The following KSR2 variants were observed in gnomAD, a reference collection of about 807,000 sequenced individuals.
The protein encoded by KSR2 is kinase suppressor of ras 2.
In KSR2, 25 loss-of-function variants were observed where a neutral mutation model predicts 107.8. The observed-to-expected ratio is 0.23, with a 90% CI of 0.17 to 0.32. KSR2 has a LOEUF of 0.32. Ranked by LOEUF, KSR2 falls within the 10% of genes least tolerant of loss-of-function variation. The pLI is 1.00. For synonymous variants in KSR2, 480 were observed against 507.0 expected, an observed-to-expected ratio of 0.95 and a Z score of 0.71; for missense variants, 887 against 1,268.9, an observed-to-expected ratio of 0.70 and a Z score of 4.57.
intron 1 of KSR2, among the ~76,000 whole-genome samples, chr12:117,910,222 C>A (rs1250259486): frequency 6.6e-6 from 1 of 152,050 alleles, no homozygotes; most frequent in African/African-American, 2.4e-5. Context: ...CAGAGTAAGA[C>A]CCTGTCTCAA....
At chr12:117,700,984 T>G (rs1414322000) in intron 4 of KSR2, among the ~76,000 whole-genome samples, 1 of 152,248 alleles carries the variant, frequency 6.6e-6, no homozygotes, top group East Asian at 1.9e-4. Context: ...CATTATCTCT[T>G]GCTAGATGAC....
At chr12:117,654,130 CATCA>C (rs1221373444) in intron 5 of KSR2, among the ~76,000 whole-genome samples, 1 of 152,310 alleles carries the variant, frequency 6.6e-6, no homozygotes, top group African/African-American at 2.4e-5. Flanking sequence ...GGCTATGGGT[CATCA>C]ATGTGACCTG....
At chr12:117,888,367 T>C (rs1894241507) in intron 1 of KSR2, among the ~76,000 whole-genome samples, 1 of 152,126 alleles carries the variant, frequency 6.6e-6, no homozygotes, top group African/African-American at 2.4e-5. Context: ...TCCACCTACA[T>C]GAGGTGCCCA....
intron 4 of KSR2, among the ~76,000 whole-genome samples, chr12:117,755,616 C>G (rs1315270924): frequency 6.6e-6 from 1 of 152,166 alleles, no homozygotes; most frequent in East Asian, 1.9e-4. Context: ...TTTTCTGAAA[C>G]ACAACAATAT....
Position 117,865,456 on chromosome 12 carries a change from C to T in KSR2, c.181-5025G>A, listed in dbSNP as rs17586060. On this transcript the variant is annotated intron_variant, in intron 1 of 19. Transcript: ENST00000339824. ...ATGTATGCCTATGTTGTATTTCAAACATTGCAAAAGAAATAAGGATCTGGT... is the reference window on the plus strand; with the variant it reads ...ATGTATGCCTATGTTGTATTTCAAATATTGCAAAAGAAATAAGGATCTGGT... Among the ~76,000 whole-genome samples the T allele has an allele frequency of 9.5e-3, 1,449 of 152,234 alleles. 60 individuals are homozygous for T. The East Asian group carries it at 0.12, about 13-fold the overall frequency.
intron 3 of KSR2, among the ~76,000 whole-genome samples, chr12:117,806,408 A>G (rs1891008355): frequency 6.6e-6 from 1 of 152,300 alleles, no homozygotes; most frequent in South Asian, 2.1e-4. Context: ...AGCGAGACTC[A>G]TGGCTCCAGC....
At chr12:117,592,485 T>G (rs1231978846) in intron 5 of KSR2, among the ~76,000 whole-genome samples, 1 of 152,132 alleles carries the variant, frequency 6.6e-6, no homozygotes, top group Non-Finnish European at 1.5e-5. Flanking sequence ...CAAGCTAGGA[T>G]CCCCTTAATT....
intron 3 of KSR2, among the ~76,000 whole-genome samples, chr12:117,848,789 G>GTGA (rs1002120885): frequency 2.1e-5 from 3 of 146,152 alleles, no homozygotes; most frequent in Admixed American, 1.3e-4. Context: ...GTGGTGGGTG[G>GTGA]TGATGGTGGT....
chr12:117,758,701 T>C (rs1218035659), intron 4 of KSR2, among the ~76,000 whole-genome samples: 2 of 152,186 alleles, frequency 1.3e-5, no homozygotes, highest in Non-Finnish European at 2.9e-5. Context: ...GAATAAATCC[T>C]TCAGGGGTCT....
intron 1 of KSR2, among the ~76,000 whole-genome samples, chr12:117,950,354 T>TA (rs1286060822): frequency 1.3e-5 from 2 of 152,136 alleles, no homozygotes; most frequent in African/African-American, 4.8e-5. Context: ...AGACATGTAA[T>TA]AAAGCAAATA....
chr12:117,949,409 C>T (rs1284050432), intron 1 of KSR2, among the ~76,000 whole-genome samples: 1 of 151,806 alleles, frequency 6.6e-6, no homozygotes, highest in Non-Finnish European at 1.5e-5. Context: ...TGACGTTCAA[C>T]AGTAAGAAAA....
chr12:117,522,730 C>T (rs1326068200), intron 14 of KSR2, among the ~76,000 whole-genome samples: 1 of 152,108 alleles, frequency 6.6e-6, no homozygotes, highest in Non-Finnish European at 1.5e-5. Flanking sequence ...CTGAGACCGC[C>T]ATGAGAATGA....
intron 3 of KSR2, among the ~76,000 whole-genome samples, chr12:117,807,631 C>T (rs1342604885): frequency 2.0e-5 from 3 of 152,194 alleles, no homozygotes; most frequent in African/African-American, 7.2e-5. Flanking sequence ...AGGAAACTCA[C>T]TGACCTATAA....
chr12:117,914,447 A>G (rs1306807425), intron 1 of KSR2, among the ~76,000 whole-genome samples: 17 of 151,472 alleles, frequency 1.1e-4, no homozygotes, highest in Admixed American at 9.2e-4. Flanking sequence ...AAAAAAAGCC[A>G]AACAACAACA....
intron 14 of KSR2, among the ~76,000 whole-genome samples, chr12:117,513,136 T>C (rs1874137792): frequency 6.6e-6 from 1 of 152,090 alleles, no homozygotes; most frequent in Admixed American, 6.6e-5. Context: ...GCCAAACAAA[T>C]TCTTATGTCA....
chr12:117,520,427 A>G (rs1276386034), intron 14 of KSR2, among the ~76,000 whole-genome samples: 1 of 152,182 alleles, frequency 6.6e-6, no homozygotes, highest in Non-Finnish European at 1.5e-5. Context: ...GCCACCTAGC[A>G]TGGCTTGGCT....
intron 4 of KSR2, among the ~76,000 whole-genome samples, chr12:117,725,129 T>C (rs913001113): frequency 1.3e-5 from 2 of 150,898 alleles, no homozygotes; most frequent in Admixed American, 6.6e-5. Context: ...AAACAAAAGA[T>C]GGCAAAGGAG....
At chr12:117,581,352 G>A (rs953868151) in intron 6 of KSR2, among the ~76,000 whole-genome samples, 1 of 152,118 alleles carries the variant, frequency 6.6e-6, no homozygotes, top group Non-Finnish European at 1.5e-5. Context: ...CAGGCCTTAT[G>A]TCTTGGTCAG....
chr12:117,805,791 G>C (rs1353123487), intron 3 of KSR2, among the ~76,000 whole-genome samples: 1 of 152,184 alleles, frequency 6.6e-6, no homozygotes, highest in Non-Finnish European at 1.5e-5. Context: ...AGACCAGCCT[G>C]GCCAACATGG....
Sources: gnomAD v4.1 joint callset for allele counts (sites outside exome capture counted in the v4.1 genomes callset) on GRCh38, gnomAD v4.1.1 for gene constraint, MANE v1.5 for transcripts, NCBI Gene and HGNC (gene_info 2026-07-23, HGNC 2026-07-21) for gene names.